Variants in FRMD4A observed in about 807,000 individuals in gnomAD.
The protein encoded by FRMD4A is FERM domain-containing protein 4A.
In FRMD4A, 29 loss-of-function variants were observed where a neutral mutation model predicts 129.1. That is an observed-to-expected ratio of 0.22 (90% CI 0.17 to 0.31). The LOEUF is 0.31. Ranked by LOEUF, FRMD4A falls within the 10% of genes least tolerant of loss-of-function variation. The pLI is 1.00. For synonymous variants in FRMD4A, 634 were observed against 571.6 expected, an observed-to-expected ratio of 1.11 and a Z score of -1.56; for missense variants, 1,272 against 1,375.8, an observed-to-expected ratio of 0.92 and a Z score of 1.19.
At chr10:14,329,251 C>A (rs1387546091) in intron 2 of FRMD4A, among the ~76,000 whole-genome samples, 1 of 152,194 alleles carries the variant, frequency 6.6e-6, no homozygotes, top group African/African-American at 2.4e-5. Flanking sequence ...ATGCAGGCTA[C>A]TTCCGACAAC....
rs202224592 is a variant in FRMD4A at position 13,871,416 on chromosome 10, T to A, written c.46-12504A>T. Among the ~76,000 whole-genome samples, 84 of 152,122 alleles carry A rather than the reference T, an allele frequency of 5.5e-4. No homozygotes were observed. In the East Asian group the frequency reaches 0.015, roughly 28 times the overall value. ...ATGCCTTGGAATGGTTGTTCCTTTT[T>A]AAAAAAAATCTGACAAGTTGCTCTA... On this transcript the variant is annotated intron_variant, in intron 2 of 24. Transcript: ENST00000357447.
chr10:13,850,077 G>A (rs2094119959), intron 3 of FRMD4A, among the ~76,000 whole-genome samples: 1 of 151,934 alleles, frequency 6.6e-6, no homozygotes, highest in African/African-American at 2.4e-5. Context: ...GCTGAGGCAG[G>A]AGAAGCACTT....
Position 13,838,492 on chromosome 10 carries a change from CT to C in FRMD4A, c.111+20354del, listed in dbSNP as rs2093911646. Among the ~76,000 whole-genome samples the C allele has an allele frequency of 2.0e-5, 3 of 151,510 alleles. 1 individual carries two copies. In the South Asian group the frequency reaches 6.3e-4, roughly 32 times the overall value. ...TCCTCTCTGTTCTGTTTTCTTCCCC[CT>C]CCCTCCCTTTTTTTTTTGAGATTGA... On this transcript the variant is annotated intron_variant, in intron 3 of 24. Coordinates refer to ENST00000357447, the MANE Select transcript of FRMD4A (RefSeq NM_018027.5).
intron 2 of FRMD4A, among the ~76,000 whole-genome samples, chr10:14,305,258 T>C (rs1589288266): frequency 6.6e-6 from 1 of 152,234 alleles, no homozygotes; most frequent in East Asian, 1.9e-4. Flanking sequence ...ATTATTCACA[T>C]TTCCCCAAAA....
chr10:14,292,163 T>C (rs1845868315), intron 2 of FRMD4A, among the ~76,000 whole-genome samples: 1 of 152,186 alleles, frequency 6.6e-6, no homozygotes, highest in South Asian at 2.1e-4. Context: ...AAAAGGAATA[T>C]TTACGAAACT....
At chr10:13,707,228 G>A (rs11258541) in intron 12 of FRMD4A, 115 bp from the exon 13 acceptor site, 305,462 of 797,168 alleles carry the variant, frequency 0.38, 61,686 homozygotes, top group East Asian at 0.49. Flanking sequence ...AACAGAGACC[G>A]TAGTCTGTGC....
intron 2 of FRMD4A, among the ~76,000 whole-genome samples, chr10:14,163,203 CT>C (rs1840997460): frequency 6.6e-6 from 1 of 152,146 alleles, no homozygotes; most frequent in South Asian, 2.1e-4. Flanking sequence ...AAACTGGTTT[CT>C]CTAGTGTTAA....
At chr10:14,230,793 C>T (rs1468700344) in intron 2 of FRMD4A, among the ~76,000 whole-genome samples, 2 of 152,176 alleles carry the variant, frequency 1.3e-5, no homozygotes, top group Non-Finnish European at 2.9e-5. Context: ...CACCTTCCAC[C>T]TTCAAGCAGG....
At chr10:14,137,893 C>T (rs1435944380) in intron 2 of FRMD4A, among the ~76,000 whole-genome samples, 6 of 152,118 alleles carry the variant, frequency 3.9e-5, no homozygotes, top group African/African-American at 1.4e-4. Context: ...TGTAAGCCCC[C>T]AGTGCTTTTT....
intron 2 of FRMD4A, among the ~76,000 whole-genome samples, chr10:14,220,506 T>A (rs557259325): frequency 6.6e-6 from 1 of 152,346 alleles, no homozygotes; most frequent in South Asian, 2.1e-4. Flanking sequence ...TCCCCCGCCT[T>A]GAGGCCAATA....
chr10:13,739,267 T>C (rs906350137), intron 11 of FRMD4A, among the ~76,000 whole-genome samples: 1 of 152,214 alleles, frequency 6.6e-6, no homozygotes, highest in South Asian at 2.1e-4. Flanking sequence ...AAAATCCTTG[T>C]ATTAAACCCC....
rs901360050 is a variant in FRMD4A at position 13,821,525 on chromosome 10, C to T, written c.112-10617G>A. Among the ~76,000 whole-genome samples the T allele has an allele frequency of 6.6e-6, 1 of 152,166 alleles. No homozygotes were observed. Among genetic ancestry groups the T allele is most frequent in the South Asian group, 2.1e-4 (1 of 4,830 alleles). ...TCTAGGAGTGACAGTGGCATCACAT[C>T]GCTGCAGCAGAACAGCAAAGCTGCC... On this transcript the variant is annotated intron_variant, in intron 3 of 24. Coordinates refer to ENST00000357447, the MANE Select transcript of FRMD4A (RefSeq NM_018027.5). The surrounding 1 kb of genome is among the most constrained non-coding windows in gnomAD (Gnocchi z 4.3).
At chr10:13,962,259 AG>A (rs1284786081) in intron 2 of FRMD4A, among the ~76,000 whole-genome samples, 19 of 152,208 alleles carry the variant, frequency 1.2e-4, no homozygotes, top group African/African-American at 4.6e-4. Context: ...CTCTCCCCAG[AG>A]GAGACCAGCC....
In FRMD4A at chr10:14,140,496, G is replaced by A. The variant is rs571085705; in HGVS notation, c.45+189562C>T. 6.9e-4 allele frequency among the ~76,000 whole-genome samples: 105 copies of A among 152,330 alleles called. 3 individuals are homozygous for A. The South Asian group carries it at 0.021, about 31-fold the overall frequency. On this transcript the variant is annotated intron_variant, in intron 2 of 24. Coordinates refer to ENST00000357447, the MANE Select transcript of FRMD4A (RefSeq NM_018027.5). ...TTATTTTCCCTCATATCATTTGGGA[G>A]GGCTTTGAAGATGTGAGATGTTAAA...
At chr10:14,113,613 T>C (rs577021770) in intron 2 of FRMD4A, among the ~76,000 whole-genome samples, 1 of 152,282 alleles carries the variant, frequency 6.6e-6, no homozygotes, top group East Asian at 1.9e-4. Flanking sequence ...TCAATGCCCC[T>C]AACCCCTATG....
intron 2 of FRMD4A, among the ~76,000 whole-genome samples, chr10:13,872,987 C>A (rs1022167293): frequency 6.6e-6 from 1 of 151,928 alleles, no homozygotes; most frequent in South Asian, 2.1e-4. Flanking sequence ...ACCAGCCCAG[C>A]CAACACGGTG....
chr10:14,087,106 G>T (rs886220021), intron 2 of FRMD4A, among the ~76,000 whole-genome samples: 1 of 151,768 alleles, frequency 6.6e-6, no homozygotes, highest in South Asian at 2.1e-4. Flanking sequence ...CCCTGGTTGC[G>T]GGGGGTGGGC....
At chr10:14,309,617 C>G (rs867490180) in intron 2 of FRMD4A, among the ~76,000 whole-genome samples, 1 of 152,088 alleles carries the variant, frequency 6.6e-6, no homozygotes, top group Non-Finnish European at 1.5e-5. Flanking sequence ...CCGAGGTAGC[C>G]ACCAGTCATT....
intron 12 of FRMD4A, among the ~76,000 whole-genome samples, chr10:13,733,575 C>T (rs2090448069): frequency 6.6e-6 from 1 of 152,178 alleles, no homozygotes; most frequent in Non-Finnish European, 1.5e-5. Context: ...GGCGCCCCGC[C>T]CCCGCAGCAG....
Sources: allele counts gnomAD v4.1 joint callset (sites outside exome capture counted in the v4.1 genomes callset), GRCh38; gene constraint gnomAD v4.1.1; non-coding constraint Gnocchi (gnomAD v3.1); transcripts MANE v1.5; gene names NCBI Gene and HGNC (gene_info 2026-07-23, HGNC 2026-07-21).